SUCLG2: variants seen among roughly 807,000 people sequenced by gnomAD.
The protein encoded by SUCLG2 is succinate-CoA ligase GDP-forming subunit beta.
SUCLG2 carries 42 observed loss-of-function variants against 47.9 expected under a neutral mutation model. The observed-to-expected ratio is 0.88, with a 90% CI of 0.69 to 1.14. The LOEUF is 1.14. Among genes scored for constraint, SUCLG2 ranks in the 50% most tolerant of loss-of-function variants. The probability of loss-of-function intolerance (pLI) is 0.00; values close to 1 mark genes in which losing one functional copy is unlikely to be tolerated. For missense variants in SUCLG2, 571 were observed against 525.9 expected, an observed-to-expected ratio of 1.09 and a Z score of -0.84; for synonymous variants, 195 against 197.3, an observed-to-expected ratio of 0.99 and a Z score of 0.10.
chr3:67,373,439 CA>C (rs1311177517), downstream of SUCLG2, among the ~76,000 whole-genome samples: 1 of 151,840 alleles, frequency 6.6e-6, no homozygotes, highest in Non-Finnish European at 1.5e-5. Context: ...AGCTCAAAGC[CA>C]AAACAATCAA....
chr3:67,576,452 CA>C (rs1460733751), intron 2 of SUCLG2, among the ~76,000 whole-genome samples: 3 of 151,914 alleles, frequency 2.0e-5, no homozygotes, highest in African/African-American at 7.3e-5. Context: ...CAGAATTGAA[CA>C]GAGTTTTCAG....
At chr3:67,422,472 T>TAAAAAAAAAAAAAAAA (rs1559520249) in intron 9 of SUCLG2, among the ~76,000 whole-genome samples, 19 of 12,340 alleles carry the variant, frequency 1.5e-3, no homozygotes, top group African/African-American at 5.9e-3. Flanking sequence ...AGACTCCATC[T>TAAAAAAAAAAAAAAAA]CAAAAAAAAA....
chr3:67,650,583 C>T (rs1161470472), intron 1 of SUCLG2, among the ~76,000 whole-genome samples: 1 of 151,980 alleles, frequency 6.6e-6, no homozygotes, highest in Admixed American at 6.6e-5. Flanking sequence ...ATGGCGAAAC[C>T]CCATCTCTAC....
chr3:67,474,708 T>C (rs984274995), intron 9 of SUCLG2, among the ~76,000 whole-genome samples: 11 of 152,354 alleles, frequency 7.2e-5, no homozygotes, highest in African/African-American at 2.6e-4. Context: ...TTAATTTATC[T>C]TTACTGAATT....
chr3:67,475,988 C>CTCTCTCTCT (rs1704741948), intron 9 of SUCLG2, among the ~76,000 whole-genome samples: 2 of 146,050 alleles, frequency 1.4e-5, no homozygotes, highest in Admixed American at 6.9e-5. Flanking sequence ...TTTCCTTCTC[C>CTCTCTCTCT]CTCTCTCTCT....
At chr3:67,561,631 A>G (rs569986796) in intron 2 of SUCLG2, among the ~76,000 whole-genome samples, 2 of 152,246 alleles carry the variant, frequency 1.3e-5, no homozygotes, top group South Asian at 4.2e-4. Flanking sequence ...CCCCTTCAAC[A>G]TTCAATCAAC....
At chr3:67,552,185 A>G (rs1260928935) in intron 2 of SUCLG2, among the ~76,000 whole-genome samples, 2 of 151,618 alleles carry the variant, frequency 1.3e-5, no homozygotes, top group South Asian at 2.1e-4. Flanking sequence ...AAAAAAAAAA[A>G]AAAAAAAGAA....
At chr3:67,440,472 C>T (rs879681168) in intron 9 of SUCLG2, among the ~76,000 whole-genome samples, 10 of 152,134 alleles carry the variant, frequency 6.6e-5, no homozygotes, top group Admixed American at 6.5e-4. Flanking sequence ...AAAATTTTTG[C>T]AATCTACCCA....
intron 2 of SUCLG2, among the ~76,000 whole-genome samples, chr3:67,606,814 C>T (rs1700426885): frequency 6.6e-6 from 1 of 152,168 alleles, no homozygotes; most frequent in African/African-American, 2.4e-5. Context: ...AGAAAAAGGG[C>T]TTGCCTGTCT....
At chr3:67,498,446 G>C (rs927184348) in intron 7 of SUCLG2, 151 bp from the exon 8 acceptor site, 3 of 785,690 alleles carry the variant, frequency 3.8e-6, no homozygotes, top group Middle Eastern at 3.7e-4. Flanking sequence ...TGGCTTTCTT[G>C]ACCTTTAAAT....
chr3:67,460,847 C>T (rs1292264446), intron 9 of SUCLG2, among the ~76,000 whole-genome samples: 2 of 152,074 alleles, frequency 1.3e-5, no homozygotes, highest in African/African-American at 2.4e-5. Context: ...AAAAATCATT[C>T]CCAACACTAC....
At chr3:67,569,045 C>T (rs1224434448) in intron 2 of SUCLG2, among the ~76,000 whole-genome samples, 1 of 152,104 alleles carries the variant, frequency 6.6e-6, no homozygotes, top group African/African-American at 2.4e-5. Flanking sequence ...GATGATTGTA[C>T]CGTTGAGCTT....
intron 1 of SUCLG2, among the ~76,000 whole-genome samples, chr3:67,645,545 C>T (rs192855358): frequency 3.3e-5 from 5 of 152,000 alleles, no homozygotes; most frequent in Admixed American, 6.6e-5. Context: ...CCAAATAGCA[C>T]GTATATTTTT....
intron 2 of SUCLG2, among the ~76,000 whole-genome samples, chr3:67,567,299 T>A (rs1165360539): frequency 2.8e-5 from 1 of 35,206 alleles, no homozygotes; most frequent in Non-Finnish European, 7.0e-5. Flanking sequence ...ATATCAGGAT[T>A]TTTTTTTTTT....
At chr3:67,366,853 T>C (rs1190973906) in intron 10 of SUCLG2, among the ~76,000 whole-genome samples, 1 of 152,194 alleles carries the variant, frequency 6.6e-6, no homozygotes, top group Non-Finnish European at 1.5e-5. Flanking sequence ...CTGATTGTCC[T>C]TACACAATGC....
intron 1 of SUCLG2, among the ~76,000 whole-genome samples, chr3:67,649,794 G>C (rs1180534901): frequency 6.6e-6 from 1 of 152,192 alleles, no homozygotes; most frequent in Non-Finnish European, 1.5e-5. Flanking sequence ...TGCATCAAGT[G>C]ACAATTGCAG....
chr3:67,579,229 T>C (rs1339750986), intron 2 of SUCLG2, among the ~76,000 whole-genome samples: 1 of 152,176 alleles, frequency 6.6e-6, no homozygotes, highest in East Asian at 1.9e-4. Flanking sequence ...AAAGGGCTCA[T>C]ATTCACAATT....
intron 1 of SUCLG2, among the ~76,000 whole-genome samples, chr3:67,626,839 C>A (rs564040361): frequency 7.3e-6 from 1 of 136,980 alleles, no homozygotes; most frequent in South Asian, 2.4e-4. Context: ...GCGTGAACCC[C>A]GGAGGCGGAG....
chr3:67,360,841 AT>A (rs1200168515), intron 10 of SUCLG2: 1 of 1,212,546 alleles, frequency 8.2e-7, no homozygotes, highest in Non-Finnish European at 1.1e-6. Context: ...ACAGTATGGT[AT>A]TCCTAAGATC....
Sources: gnomAD v4.1 joint callset for allele counts (sites outside exome capture counted in the v4.1 genomes callset) on GRCh38, gnomAD v4.1.1 for gene constraint, MANE v1.5 for transcripts, NCBI Gene and HGNC (gene_info 2026-07-23, HGNC 2026-07-21) for gene names.